Variants in REC114 observed in about 807,000 individuals in gnomAD.
REC114 encodes the protein REC114 meiotic recombination protein, also known as meiotic recombination protein REC114.
REC114 carries 27 observed loss-of-function variants against 31.3 expected under a neutral mutation model. The observed-to-expected ratio is 0.86, with a 90% CI of 0.64 to 1.19. REC114 has a LOEUF of 1.19. Among genes scored for constraint, REC114 ranks in the 50% most tolerant of loss-of-function variants. REC114 has a pLI of 0.00. For synonymous variants in REC114, 134 were observed against 127.7 expected (o/e 1.05, Z -0.33); for missense variants, 344 against 326.9 (o/e 1.05, Z -0.40).
chr15:73,555,460 G>A (rs909280932), intron 4 of REC114, among the ~76,000 whole-genome samples: 3 of 152,196 alleles, frequency 2.0e-5, no homozygotes, highest in South Asian at 4.1e-4. Flanking sequence ...TGTCCTACCC[G>A]AGAACAACTT....
intron 1 of REC114, among the ~76,000 whole-genome samples, chr15:73,460,462 G>GT (rs1272694425): frequency 6.6e-6 from 1 of 152,160 alleles, no homozygotes; most frequent in Non-Finnish European, 1.5e-5. Context: ...CAATATAGGT[G>GT]TTTTTGACTT....
intron 2 of REC114, among the ~76,000 whole-genome samples, chr15:73,498,475 G>A (rs1893558315): frequency 6.6e-6 from 1 of 152,106 alleles, no homozygotes; most frequent in Admixed American, 6.6e-5. Flanking sequence ...AAACTGCTAA[G>A]TAGGTCGACC....
Position 73,544,076 on chromosome 15 carries a change from G to A in REC114, c.333+3508G>A, listed in dbSNP as rs183939458. 4.6e-5 allele frequency among the ~76,000 whole-genome samples: 7 copies of A among 150,834 alleles called. 1 individual carries two copies. The East Asian group carries it at 1.4e-3, about 30-fold the overall frequency. ...TCCTTCCGCCCCATCCTTCTGAGTA[G>A]TTAGGACCACAGGAGTGTGCCACCA... On this transcript the variant is annotated intron_variant, in intron 3 of 5. Transcript: ENST00000331090.
chr15:73,521,963 C>T (rs889421975), intron 2 of REC114, among the ~76,000 whole-genome samples: 5 of 152,184 alleles, frequency 3.3e-5, no homozygotes, highest in African/African-American at 1.2e-4. Context: ...ATAAAATGAA[C>T]AGTACATTAC....
intron 2 of REC114, among the ~76,000 whole-genome samples, chr15:73,482,222 A>G (rs1893304548): frequency 6.6e-6 from 1 of 152,166 alleles, no homozygotes; most frequent in African/African-American, 2.4e-5. Flanking sequence ...TTGTGTTGAA[A>G]TGTAATCCCC....
intron 2 of REC114, among the ~76,000 whole-genome samples, chr15:73,494,491 CA>C (rs769659178): frequency 0.031 from 2,599 of 84,166 alleles, 61 homozygotes; most frequent in African/African-American, 0.081. Context: ...GACCCTGTCT[CA>C]AAAAAAAAAA....
At position 73,474,899 on chromosome 15, in the gene REC114, T is replaced by C. The variant is rs571094157; in HGVS notation, c.249+978T>C. 5.3e-5 allele frequency among the ~76,000 whole-genome samples: 8 copies of C among 152,346 alleles called. No individual in the cohort carries two copies. The South Asian group carries it at 1.7e-3, about 32-fold the overall frequency. ...TTAAATATAGCCTTCTCATTGAACG[T>C]GAGATGACCTGCAAAGTCATCTTTG... On this transcript the variant is annotated intron_variant, in intron 2 of 5. Transcript: ENST00000331090.
In REC114 at chr15:73,535,982, G is replaced by A. The variant is rs966192101; in HGVS notation, c.250-4503G>A. Among the ~76,000 whole-genome samples, 67 of 149,458 alleles carry A rather than the reference G, an allele frequency of 4.5e-4. 1 individual carries two copies. Among genetic ancestry groups the A allele is most frequent in the Non-Finnish European group, 8.0e-4 (54 of 67,426 alleles). On this transcript the variant is annotated intron_variant, in intron 2 of 5. Transcript: ENST00000331090. The stretch of plus-strand genomic sequence containing the variant: ...AAAACTGGCTAGCCATATGTAGAAA[G>A]CTGAAACTGGATCCCTTCCTTACAC...
In REC114 at chr15:73,551,022, C is replaced by A. The variant is rs1595883459; in HGVS notation, c.418C>A (p.Leu140Met). 1.2e-6 allele frequency: 2 copies of A among 1,613,900 alleles called. No homozygotes were observed. Among genetic ancestry groups the A allele is most frequent in the East Asian group, 4.5e-5 (2 of 44,876 alleles). Residue 140 changes from leucine to methionine, a missense_variant, in exon 4 of 6, where the codon CTG becomes ATG. Physicochemically the swap from Leu to Met is conservative, Grantham distance 15 (BLOSUM62 2). Transcript: ENST00000331090. Reference protein sequence around the residue: ...LEHCCSCVQKLAQYITVQVPD... With the variant: ...LEHCCSCVQKMAQYITVQVPD... ...ACACTGCTGCAGTTGTGTTCAGAAG[C>A]TGGCACAATACATAACCGTGCAGGT...
chr15:73,520,154 C>G (rs1893915588), intron 2 of REC114, among the ~76,000 whole-genome samples: 1 of 152,022 alleles, frequency 6.6e-6, no homozygotes, highest in Admixed American at 6.5e-5. Flanking sequence ...AAATTCATGA[C>G]ACATTGACTG....
intron 2 of REC114, among the ~76,000 whole-genome samples, chr15:73,513,476 C>T (rs1437925064): frequency 6.7e-5 from 10 of 148,896 alleles, no homozygotes; most frequent in African/African-American, 9.8e-5. Context: ...AGCTTTGTTC[C>T]GTTGCTGGTG....
intron 2 of REC114, among the ~76,000 whole-genome samples, chr15:73,527,817 C>A (rs917434128): frequency 1.3e-5 from 2 of 152,038 alleles, no homozygotes; most frequent in Non-Finnish European, 2.9e-5. Flanking sequence ...TGTGACCTTC[C>A]AAATATGAGT....
intron 1 of REC114, 31 bp downstream of exon 1, chr15:73,443,375 G>C: frequency 6.5e-7 from 1 of 1,545,914 alleles, no homozygotes; most frequent in Admixed American, 2.0e-5. Flanking sequence ...TATCCCTGAG[G>C]TGCCCACAGC....
intron 3 of REC114, among the ~76,000 whole-genome samples, chr15:73,544,994 C>T (rs533480492): frequency 2.6e-5 from 4 of 152,284 alleles, no homozygotes; most frequent in Admixed American, 6.5e-5. Context: ...CATGACGATG[C>T]CTTGGAACAC....
intron 2 of REC114, among the ~76,000 whole-genome samples, chr15:73,488,400 T>C (rs1893401628): frequency 6.6e-6 from 1 of 152,252 alleles, no homozygotes; most frequent in South Asian, 2.1e-4. Flanking sequence ...TCCAAATCTT[T>C]ATGTTCTGCT....
intron 1 of REC114, among the ~76,000 whole-genome samples, chr15:73,449,248 G>GA (rs1161908025): frequency 1.3e-5 from 2 of 151,860 alleles, no homozygotes; most frequent in Non-Finnish European, 2.9e-5. Flanking sequence ...TAAGAACTTT[G>GA]AAAAAAGGTT....
At chr15:73,467,426 G>A (rs1893077545) in intron 1 of REC114, among the ~76,000 whole-genome samples, 1 of 152,152 alleles carries the variant, frequency 6.6e-6, no homozygotes, top group Non-Finnish European at 1.5e-5. Flanking sequence ...GTTGTGTATT[G>A]TCTGTACTCT....
At chr15:73,461,916 TCTTTTC>T (rs1192735013) in intron 1 of REC114, among the ~76,000 whole-genome samples, 2 of 132,926 alleles carry the variant, frequency 1.5e-5, no homozygotes, top group Non-Finnish European at 3.3e-5. Context: ...TTTTTCTTTT[TCTTTTC>T]TTTTTTTTTT....
intron 2 of REC114, among the ~76,000 whole-genome samples, chr15:73,486,574 C>A (rs1893372819): frequency 6.6e-6 from 1 of 152,158 alleles, no homozygotes. Context: ...ATAGACTGAG[C>A]ATTTTATAAG....
Sources: gnomAD v4.1 joint callset for allele counts (sites outside exome capture counted in the v4.1 genomes callset) on GRCh38, gnomAD v4.1.1 for gene constraint, MANE v1.5 for transcripts, NCBI Gene and HGNC (gene_info 2026-07-23, HGNC 2026-07-21) for gene names.